GTF2F2: variants seen among roughly 807,000 people sequenced by gnomAD.
The protein encoded by GTF2F2 is ATP-dependent helicase GTF2F2.
A neutral mutation model predicts 42.2 loss-of-function variants in GTF2F2; 23 were observed. The ratio of observed to expected loss-of-function variants is 0.55; its 90% CI spans 0.39 to 0.77. The LOEUF (loss-of-function observed/expected upper bound fraction) is 0.77, where lower values mean the gene tolerates loss of function less well. Ranked by LOEUF, GTF2F2 falls within the 30% of genes least tolerant of loss-of-function variation. The probability of loss-of-function intolerance (pLI) is 0.00; values close to 1 mark genes in which losing one functional copy is unlikely to be tolerated. For synonymous variants in GTF2F2, 105 were observed against 100.8 expected (o/e 1.04, Z -0.25); for missense variants, 261 against 287.2 (o/e 0.91, Z 0.66).
intron 5 of GTF2F2, among the ~76,000 whole-genome samples, chr13:45,235,764 T>A (rs1233454912): frequency 3.3e-5 from 5 of 151,772 alleles, no homozygotes; most frequent in East Asian, 1.9e-4. Context: ...TTTTATTTTT[T>A]TTTATTTATT....
intron 7 of GTF2F2, among the ~76,000 whole-genome samples, chr13:45,274,028 G>A (rs1876917121): frequency 6.6e-6 from 1 of 152,144 alleles, no homozygotes; most frequent in Non-Finnish European, 1.5e-5. Flanking sequence ...TCTCTGAGCA[G>A]GTGGATTCAG....
intron 4 of GTF2F2, among the ~76,000 whole-genome samples, chr13:45,159,844 T>G (rs114129438): frequency 0.012 from 1,828 of 152,322 alleles, 31 homozygotes; most frequent in African/African-American, 0.037. Flanking sequence ...CCCTTATTTT[T>G]GGGGGAATAT....
At chr13:45,187,994 C>T (rs1386956814) in intron 4 of GTF2F2, among the ~76,000 whole-genome samples, 1 of 152,156 alleles carries the variant, frequency 6.6e-6, no homozygotes, top group Non-Finnish European at 1.5e-5. Context: ...CTATAACCAC[C>T]TCCTGGGTTC....
intron 4 of GTF2F2, among the ~76,000 whole-genome samples, chr13:45,168,668 A>C (rs1871419500): frequency 1.3e-5 from 2 of 152,010 alleles, no homozygotes; most frequent in South Asian, 4.1e-4. Context: ...GCTGTAGTGC[A>C]GTGCCCCGAT....
chr13:45,187,195 G>A (rs1872462701), intron 4 of GTF2F2, among the ~76,000 whole-genome samples: 1 of 152,036 alleles, frequency 6.6e-6, no homozygotes, highest in Non-Finnish European at 1.5e-5. Context: ...TTTGAGACCA[G>A]CCTGGGCAAC....
intron 7 of GTF2F2, among the ~76,000 whole-genome samples, chr13:45,275,005 A>G (rs1304705926): frequency 2.6e-5 from 4 of 152,084 alleles, no homozygotes; most frequent in Non-Finnish European, 4.4e-5. Flanking sequence ...CCATTGCCCT[A>G]AAAAGAAACT....
At chr13:45,183,714 T>C (rs1167662549) in intron 4 of GTF2F2, among the ~76,000 whole-genome samples, 1 of 152,158 alleles carries the variant, frequency 6.6e-6, no homozygotes. Context: ...GAGATCATTA[T>C]GTGTTGTGCG....
intron 4 of GTF2F2, among the ~76,000 whole-genome samples, chr13:45,164,892 G>A (rs965382684): frequency 2.6e-5 from 4 of 152,186 alleles, no homozygotes; most frequent in Non-Finnish European, 5.9e-5. Context: ...TCTTGATTAC[G>A]TTGGTTCTGA....
chr13:45,217,185 G>A (rs1873927711), intron 5 of GTF2F2, among the ~76,000 whole-genome samples: 1 of 151,610 alleles, frequency 6.6e-6, no homozygotes, highest in East Asian at 2.0e-4. Context: ...TGTAATCCCA[G>A]CTACTCGGGA....
chr13:45,171,904 C>T (rs1566122469), intron 4 of GTF2F2, among the ~76,000 whole-genome samples: 2 of 150,156 alleles, frequency 1.3e-5, no homozygotes, highest in Non-Finnish European at 2.9e-5. Flanking sequence ...GTTTCCAGGG[C>T]TCATTCATGT....
At position 45,151,752 on chromosome 13, in the gene GTF2F2, C is replaced by A; in HGVS notation, c.225C>A (p.Val75=). The part of the protein sequence containing the change: ...IHDIGGKPAS[V]SAPREHPFVL... ...ATATTGGTGGAAAACCAGCTTCAGTCAGTGCTCCTAGAGAACATCCATTTG... is the reference window on the plus strand; with the variant it reads ...ATATTGGTGGAAAACCAGCTTCAGTAAGTGCTCCTAGAGAACATCCATTTG... The change falls in exon 4 of 8, where the codon GTC becomes GTA. Residue 75 remains valine (V), a synonymous_variant. Transcript: ENST00000340473. 1 of 1,598,256 alleles carries A rather than the reference C, an allele frequency of 6.3e-7. No homozygotes were observed. The highest frequency in any genetic ancestry group is 8.6e-7 in the Non-Finnish European group (1 of 1,167,944).
chr13:45,197,099 A>G (rs1236742694), intron 4 of GTF2F2, among the ~76,000 whole-genome samples: 3 of 151,772 alleles, frequency 2.0e-5, no homozygotes, highest in African/African-American at 4.8e-5. Flanking sequence ...TTTGCCACCC[A>G]TGGCCTGGCA....
intron 2 of GTF2F2, among the ~76,000 whole-genome samples, chr13:45,147,550 A>G (rs1870258001): frequency 6.6e-6 from 1 of 152,190 alleles, no homozygotes; most frequent in African/African-American, 2.4e-5. Context: ...TCTTTGCCAT[A>G]TCTCTGATTC....
At chr13:45,217,410 AC>A (rs1873941271) in intron 5 of GTF2F2, among the ~76,000 whole-genome samples, 1 of 151,934 alleles carries the variant, frequency 6.6e-6, no homozygotes, top group African/African-American at 2.4e-5. Flanking sequence ...TTTAAAATAA[AC>A]CATTACTCAC....
At chr13:45,242,291 T>G (rs1205495484) in intron 5 of GTF2F2, among the ~76,000 whole-genome samples, 1 of 149,466 alleles carries the variant, frequency 6.7e-6, no homozygotes, top group Non-Finnish European at 1.5e-5. Flanking sequence ...AACTTGACTT[T>G]GGGCCAAGTA....
At chr13:45,122,940 A>C (rs912935311) in intron 1 of GTF2F2, among the ~76,000 whole-genome samples, 1 of 152,136 alleles carries the variant, frequency 6.6e-6, no homozygotes, top group Non-Finnish European at 1.5e-5. Flanking sequence ...TGAGCGGGAA[A>C]AAAATTAGTG....
chr13:45,208,011 A>C (rs1043072242), intron 5 of GTF2F2, among the ~76,000 whole-genome samples: 2 of 152,006 alleles, frequency 1.3e-5, no homozygotes, highest in Non-Finnish European at 2.9e-5. Context: ...TAGAAAAATT[A>C]GCTGGGCGTG....
chr13:45,209,070 C>T (rs1873529920), intron 5 of GTF2F2, among the ~76,000 whole-genome samples: 1 of 152,188 alleles, frequency 6.6e-6, no homozygotes, highest in African/African-American at 2.4e-5. Flanking sequence ...TGAGATCAGG[C>T]AGGTCACCTG....
intron 4 of GTF2F2, chr13:45,193,891 T>C: frequency 6.2e-7 from 1 of 1,614,168 alleles, no homozygotes; most frequent in Non-Finnish European, 8.5e-7. Flanking sequence ...CATGATAGCC[T>C]CAAACTTAAG....
Sources: allele counts gnomAD v4.1 joint callset (sites outside exome capture counted in the v4.1 genomes callset), GRCh38; gene constraint gnomAD v4.1.1; transcripts MANE v1.5; gene names NCBI Gene and HGNC (gene_info 2026-07-23, HGNC 2026-07-21).